FAM186A: variants seen among roughly 807,000 people sequenced by gnomAD.
FAM186A encodes protein FAM186A.
A neutral mutation model predicts 216.8 loss-of-function variants in FAM186A; 163 were observed. The observed-to-expected ratio is 0.75, with a 90% CI of 0.66 to 0.86. The LOEUF is 0.86. Ranked by LOEUF, FAM186A falls within the 40% of genes least tolerant of loss-of-function variation. The pLI, the probability that FAM186A is intolerant of heterozygous loss-of-function variation, is 0.00. For missense variants in FAM186A, 2,184 were observed against 2,746.2 expected (o/e 0.80, Z 4.58); for synonymous variants, 805 against 1,025.3 (o/e 0.79, Z 4.10).
At chr12:50,346,237 A>AAAGAAAGAAAGGAAGAAAGAAAG (rs1383898895) in intron 4 of FAM186A, among the ~76,000 whole-genome samples, 1 of 102,184 alleles carries the variant, frequency 9.8e-6, no homozygotes, top group Non-Finnish European at 2.0e-5. Context: ...AAGAAAGAAA[A>AAAGAAAGAAAGGAAGAAAGAAAG]AAAGAAAGAA....
chr12:50,340,900 G>A (rs972855269), intron 4 of FAM186A, among the ~76,000 whole-genome samples: 32 of 151,418 alleles, frequency 2.1e-4, no homozygotes, highest in Non-Finnish European at 3.7e-4. Flanking sequence ...GAGTTCAAGC[G>A]ATTATCCTGC....
Position 50,350,821 on chromosome 12 carries a change from C to T in FAM186A, c.6011G>A (p.Arg2004Gln), listed in dbSNP as rs1057338425. The T allele has an allele frequency of 7.1e-6, 11 of 1,551,602 alleles. No individual in the cohort carries two copies. In the Admixed American group the frequency reaches 1.6e-4, roughly 22 times the overall value. ...SDTSEETQIL[R>Q]DTFAIESFRT... ...AAATGATTCTATAGCAAAAGTGTCTCGAAGTATCTGGGTTTCTTCGGAAGT... is the reference window on the plus strand; with the variant it reads ...AAATGATTCTATAGCAAAAGTGTCTTGAAGTATCTGGGTTTCTTCGGAAGT... The change falls in exon 4 of 8, where the codon CGA becomes CAA. Residue 2004 changes from arginine to glutamine, a missense_variant. Physicochemically the swap from Arg to Gln is conservative, Grantham distance 43 (BLOSUM62 1). Around this residue, in one of 7 missense-constraint regions of FAM186A, gnomAD observed 721 missense variants for 816.4 expected, o/e 0.88. Transcript: ENST00000327337.
intron 1 of FAM186A, among the ~76,000 whole-genome samples, chr12:50,372,211 T>C (rs1943147833): frequency 6.6e-6 from 1 of 152,152 alleles, no homozygotes; most frequent in South Asian, 2.1e-4. Flanking sequence ...CAAATCTAAC[T>C]TAAGTCAAGA....
In FAM186A at chr12:50,328,837, C is replaced by T. The variant is rs182432838; in HGVS notation, c.7035-1433G>A. 2.6e-5 allele frequency among the ~76,000 whole-genome samples: 4 copies of T among 152,132 alleles called. 1 individual carries two copies. Among genetic ancestry groups the T allele is most frequent in the Admixed American group, 2.6e-4 (4 of 15,278 alleles). ...AGTAGGTTTTAAAACATGTCCAGGC[C>T]GGGCACGGTGGCTCACGCCTGTAAT... is the stretch of plus-strand genomic sequence containing the variant. On this transcript the variant is annotated intron_variant, in intron 7 of 7. Transcript: ENST00000327337.
At chr12:50,365,928 A>G in intron 1 of FAM186A, 2 of 763,238 alleles carry the variant, frequency 2.6e-6, no homozygotes, top group South Asian at 1.3e-5. Context: ...GGCTAATGGC[A>G]CAACTGTCCA....
At chr12:50,335,635 G>C (rs1452735134) in intron 4 of FAM186A, among the ~76,000 whole-genome samples, 3 of 148,316 alleles carry the variant, frequency 2.0e-5, no homozygotes, top group African/African-American at 7.5e-5. Flanking sequence ...CAGAGTGTGA[G>C]ATCCTATCTC....
At chr12:50,370,140 A>AAAAAAAAAAAAAAAAAAAAC (rs1943130045) in intron 1 of FAM186A, among the ~76,000 whole-genome samples, 1 of 147,550 alleles carries the variant, frequency 6.8e-6, no homozygotes, top group Non-Finnish European at 1.5e-5. Flanking sequence ...AAAAAAAAAA[A>AAAAAAAAAAAAAAAAAAAAC]AAAAAAAGCA....
intron 4 of FAM186A, among the ~76,000 whole-genome samples, chr12:50,335,465 G>A (rs1391988225): frequency 3.9e-5 from 6 of 152,002 alleles, no homozygotes; most frequent in Non-Finnish European, 8.8e-5. Flanking sequence ...CCAACATGGT[G>A]AAACCCCATC....
At chr12:50,327,716 G>A (rs1035416432) in intron 7 of FAM186A, among the ~76,000 whole-genome samples, 2 of 151,586 alleles carry the variant, frequency 1.3e-5, no homozygotes, top group African/African-American at 2.4e-5. Flanking sequence ...TGTTTTTTTT[G>A]TACTTTTGGT....
At chr12:50,374,805 G>A (rs1456536814) in intron 1 of FAM186A, among the ~76,000 whole-genome samples, 1 of 152,046 alleles carries the variant, frequency 6.6e-6, no homozygotes, top group Non-Finnish European at 1.5e-5. Context: ...AAGAAATACA[G>A]GAAAATGGAT....
intron 4 of FAM186A, among the ~76,000 whole-genome samples, chr12:50,334,342 T>G (rs1298909809): frequency 6.6e-6 from 1 of 151,952 alleles, no homozygotes; most frequent in African/African-American, 2.4e-5. Context: ...CAGCTAATTT[T>G]TGTATTTTTA....
Position 50,352,895 on chromosome 12 carries a change from T to A in FAM186A, c.3937A>T (p.Ile1313Phe), listed in dbSNP as rs751817435. The A allele has an allele frequency of 1.3e-6, 2 of 1,532,982 alleles. No homozygotes were observed. Among genetic ancestry groups the A allele is most frequent in the Non-Finnish European group, 1.8e-6 (2 of 1,138,104 alleles). The allele number at this position is 1,532,982 out of a possible 1,614,324, so 95.0% of individuals were successfully genotyped here. The change falls in exon 4 of 8, where the codon ATC becomes TTC. Residue 1313 changes from isoleucine to phenylalanine, a missense_variant. Physicochemically the swap from Ile to Phe is conservative, Grantham distance 21. Transcript: ENST00000327337. ...LTPKQAQALG[I>F]PFTPQQAQAL... ...TGCGCCTGCTGAGGGGTGAAAGGGA[T>A]CCCCAGAGCCTGTGCCTGCTTAGGG...
intron 1 of FAM186A, among the ~76,000 whole-genome samples, chr12:50,386,876 C>CAAA (rs775978020): frequency 7.4e-4 from 75 of 100,700 alleles, no homozygotes; most frequent in African/African-American, 2.7e-3. Context: ...GACTCTGTCT[C>CAAA]AAAAAAAAAA....
In FAM186A at chr12:50,336,712, T is replaced by C. The variant is rs1001833851; in HGVS notation, c.6504-2609A>G. On this transcript the variant is annotated intron_variant, in intron 4 of 7. Transcript: ENST00000327337. ...TTTGAGAGTGATGAGTAGTCTGGGGTTTTTGACCACAGATATGTGAAAGGA... is the reference window on the plus strand; with the variant it reads ...TTTGAGAGTGATGAGTAGTCTGGGGCTTTTGACCACAGATATGTGAAAGGA... Among the ~76,000 whole-genome samples the C allele has an allele frequency of 3.3e-5, 5 of 151,816 alleles. No homozygotes were observed. In the South Asian group the frequency reaches 6.3e-4, roughly 19 times the overall value.
In FAM186A at chr12:50,352,146, T is replaced by C. The variant is rs538502101; in HGVS notation, c.4686A>G (p.Glu1562=). 2.2e-5 allele frequency: 30 copies of C among 1,349,124 alleles called. No individual in the cohort carries two copies. The East Asian group carries it at 1.0e-3, about 46-fold the overall frequency. The allele number at this position is 1,349,124 out of a possible 1,614,324, so 83.6% of individuals were successfully genotyped here. ...GCTGAGGGGTGAGAGGGATCTCCAA[T>C]TCCTGAGCCTGCGGAGGGATGAGAG... ...GIPLIPPQAQ[E]LEIPLTPQQA... is the part of the protein sequence containing the mutation. The change falls in exon 4 of 8, where the codon GAA becomes GAG. Residue 1562 remains glutamate, a synonymous_variant. Coordinates refer to ENST00000327337, the MANE Select transcript of FAM186A (RefSeq NM_001145475.3).
intron 1 of FAM186A, among the ~76,000 whole-genome samples, chr12:50,378,173 G>C (rs1312313432): frequency 2.0e-5 from 3 of 150,880 alleles, no homozygotes; most frequent in Non-Finnish European, 2.9e-5. Context: ...GCAGTGAGCC[G>C]AGATTGCGAC....
At chr12:50,370,914 C>T (rs932208417) in intron 1 of FAM186A, among the ~76,000 whole-genome samples, 2 of 151,678 alleles carry the variant, frequency 1.3e-5, no homozygotes, top group Non-Finnish European at 2.9e-5. Context: ...CTGGCCAACA[C>T]GATGAAACCT....
intron 1 of FAM186A, among the ~76,000 whole-genome samples, chr12:50,373,038 A>G (rs966812851): frequency 2.0e-5 from 3 of 150,024 alleles, no homozygotes; most frequent in African/African-American, 4.9e-5. Flanking sequence ...AAAGAAAGAA[A>G]GAAAGAAAGA....
At chr12:50,365,971 C>T in intron 1 of FAM186A, 3 of 767,378 alleles carry the variant, frequency 3.9e-6, no homozygotes, top group Non-Finnish European at 2.4e-6. Flanking sequence ...GTGGGTATCA[C>T]TAGGCTAAAA....
Sources: gnomAD v4.1 joint callset for allele counts (sites outside exome capture counted in the v4.1 genomes callset) on GRCh38, gnomAD v4.1.1 for gene constraint, gnomAD v4.1.1 regional missense constraint, MANE v1.5 for transcripts, NCBI Gene and HGNC (gene_info 2026-07-23, HGNC 2026-07-21) for gene names.